NCKAP1L: variants seen among roughly 807,000 people sequenced by gnomAD.
NCKAP1L encodes the protein nck-associated protein 1-like.
In NCKAP1L, 53 loss-of-function variants were observed where a neutral mutation model predicts 139.2. The ratio of observed to expected loss-of-function variants is 0.38; its 90% CI spans 0.31 to 0.48. The LOEUF is 0.48. Among genes scored for constraint, NCKAP1L ranks in the 20% least tolerant of loss-of-function variants. NCKAP1L has a pLI of 0.98. For missense variants in NCKAP1L, 1,151 were observed against 1,381.9 expected (o/e 0.83, Z 2.65); for synonymous variants, 468 against 499.7 (o/e 0.94, Z 0.85).
chr12:54,531,500 GTGGAAAACA>G lies in NCKAP1L; in HGVS notation c.2619_2627del (p.Glu873_Met875del). The G allele has an allele frequency of 6.2e-7, 1 of 1,614,192 alleles. No individual in the cohort carries two copies. The highest frequency in any genetic ancestry group is 8.5e-7 in the Non-Finnish European group (1 of 1,180,022). On this transcript the variant is annotated inframe_deletion, in exon 24 of 31. Transcript: ENST00000293373. The stretch of plus-strand genomic sequence containing the variant: ...TGTTCCTGGACTACAGAAGCTGGTG[GTGGAAAACA>G]TGGACATACTTGTTCAGATCAGATC...
intron 9 of NCKAP1L, among the ~76,000 whole-genome samples, chr12:54,513,801 G>A (rs1362421950): frequency 6.6e-6 from 1 of 152,124 alleles, no homozygotes; most frequent in East Asian, 1.9e-4. Flanking sequence ...GACTGTAAAG[G>A]GAAGAATAGA....
chr12:54,520,951 C>T (rs745599552), intron 17 of NCKAP1L, 125 bp downstream of exon 17: 19 of 1,475,716 alleles, frequency 1.3e-5, no homozygotes, highest in African/African-American at 2.8e-5. Context: ...ATATGAGTCC[C>T]TAAATATCTC....
At position 54,547,091 on chromosome 12, in the gene NCKAP1L, G is replaced by C. The variant is rs1592357730; in HGVS notation, c.*4406G>C. 6.6e-6 allele frequency: 1 copy of C among 152,290 alleles called. No homozygotes were observed. The highest frequency in any genetic ancestry group is 1.9e-4 in the East Asian group (1 of 5,184). The allele number at this position is 152,290 out of a possible 1,614,324, so 9.4% of individuals were successfully genotyped here. A position where few individuals can be genotyped will look rare whatever the true frequency, so the allele number is the denominator to read the frequency against. ...AGGAGAGGAATGAGAAGGAGCCTGG[G>C]AAAGGTGGGGGATGAGGACAAGAGG... is the stretch of plus-strand genomic sequence containing the variant. On this transcript the variant is annotated 3_prime_UTR_variant, in exon 31 of 31. Transcript: ENST00000293373.
Position 54,534,888 on chromosome 12 carries a change from G to T in NCKAP1L, c.2863-216G>T, listed in dbSNP as rs556773968. Among the ~76,000 whole-genome samples, 7 of 152,224 alleles carry T rather than the reference G, an allele frequency of 4.6e-5. No homozygotes were observed. In the South Asian group the frequency reaches 1.5e-3, roughly 32 times the overall value. ...ACTGTGGCTCATGCCTGTAATCCCA[G>T]CACTTTGGGAGGCTGAGGTAGGAGG... On this transcript the variant is annotated intron_variant, in intron 26 of 30. Transcript: ENST00000293373.
chr12:54,535,094 T>G lies in NCKAP1L; in HGVS notation c.2863-10T>G, dbSNP rs929212046. ...GAATCCTCTCTAGAATGTTATTTTCTTCTCTCCAGGTGACCTTGAGTATCT... is the reference window on the plus strand; with the variant it reads ...GAATCCTCTCTAGAATGTTATTTTCGTCTCTCCAGGTGACCTTGAGTATCT... On this transcript the variant is annotated splice_polypyrimidine_tract_variant and intron_variant, in intron 26 of 30. Transcript: ENST00000293373. 1 of 1,611,342 alleles carries G rather than the reference T, an allele frequency of 6.2e-7. No individual in the cohort carries two copies. Among genetic ancestry groups the G allele is most frequent in the Non-Finnish European group, 8.5e-7 (1 of 1,178,166 alleles).
intron 21 of NCKAP1L, among the ~76,000 whole-genome samples, chr12:54,527,425 C>A (rs976077285): frequency 1.3e-5 from 2 of 152,130 alleles, no homozygotes; most frequent in Non-Finnish European, 2.9e-5. Context: ...ATGGATGTGC[C>A]ACATGGGCCA....
chr12:54,537,259 A>G (rs796487363), intron 29 of NCKAP1L, among the ~76,000 whole-genome samples: 8 of 152,300 alleles, frequency 5.3e-5, no homozygotes, highest in African/African-American at 1.9e-4. Flanking sequence ...CTGCTTGAAT[A>G]TTTGGAAAGA....
Position 54,528,322 on chromosome 12 carries a change from C to A in NCKAP1L, c.2451C>A (p.Ser817Arg), listed in dbSNP as rs529314666. ...ILSPAMQAFV[S>R]LPREGEQNFS... Reference sequence around the variant, plus strand: ...CCCCAGCCATGCAGGCCTTCGTCAGCCTGCCCAGAGAAGGGGAGCAGAACT... The same window carrying A: ...CCCCAGCCATGCAGGCCTTCGTCAGACTGCCCAGAGAAGGGGAGCAGAACT... Residue 817 changes from serine to arginine, a missense_variant, in exon 22 of 31, where the codon AGC (serine) becomes AGA (arginine). Transcript: ENST00000293373. 3 of 1,614,002 alleles carry A rather than the reference C, an allele frequency of 1.9e-6. No homozygotes were observed. The highest frequency in any genetic ancestry group is 1.7e-5 in the Admixed American group (1 of 60,020).
chr12:54,542,560 C>T lies in NCKAP1L; in HGVS notation c.3274-15C>T, dbSNP rs1957166336. 3.1e-6 allele frequency: 5 copies of T among 1,589,346 alleles called. No individual in the cohort carries two copies. Among genetic ancestry groups the T allele is most frequent in the Middle Eastern group, 1.7e-4 (1 of 6,042 alleles). ...CCTACCTGAGGTTCTCATCTCTTGG[C>T]CCCATCTCTTTCAGGTGGTGGAGGA... On this transcript the variant is annotated splice_polypyrimidine_tract_variant and intron_variant, in intron 30 of 30. Coordinates refer to ENST00000293373, the MANE Select transcript of NCKAP1L (RefSeq NM_005337.5).
At position 54,537,012 on chromosome 12, in the gene NCKAP1L, T is replaced by C; in HGVS notation, c.3142T>C (p.Tyr1048His). ...GGTGTCTGCTGCCCTCTTCACGCTCTACAACAAGAACATTGAAACTCACCT... is the reference window on the plus strand; with the variant it reads ...GGTGTCTGCTGCCCTCTTCACGCTCCACAACAAGAACATTGAAACTCACCT... The part of the protein sequence containing the change: ...IQVSAALFTL[Y>H]NKNIETHLKE... The change falls in exon 29 of 31, where the codon TAC becomes CAC. Residue 1048 changes from tyrosine (Y) to histidine (H), a missense_variant. Physicochemically the swap from Tyr to His is moderately conservative, Grantham distance 83. Coordinates refer to ENST00000293373, the MANE Select transcript of NCKAP1L (RefSeq NM_005337.5). 1 of 1,613,652 alleles carries C rather than the reference T, an allele frequency of 6.2e-7. No homozygotes were observed. Among genetic ancestry groups the C allele is most frequent in the Non-Finnish European group, 8.5e-7 (1 of 1,179,656 alleles).
At chr12:54,502,789 C>T (rs1271251817) in intron 3 of NCKAP1L, among the ~76,000 whole-genome samples, 1 of 133,326 alleles carries the variant, frequency 7.5e-6, no homozygotes, top group African/African-American at 2.9e-5. Context: ...GAGTTTGAGA[C>T]CAGCCTGGGC....
chr12:54,520,940 G>T lies in NCKAP1L; in HGVS notation c.1758+114G>T, dbSNP rs138086773. On this transcript the variant is annotated intron_variant, in intron 17 of 30. Transcript: ENST00000293373. Reference sequence around the variant, plus strand: ...AGAAAGGGTATAAACATAGATGTATGATATGAGTCCCTAAATATCTCAGCT... The same window carrying T: ...AGAAAGGGTATAAACATAGATGTATTATATGAGTCCCTAAATATCTCAGCT... 1.4e-3 allele frequency: 2,077 copies of T among 1,488,486 alleles called. 3 individuals are homozygous for T. The highest frequency in any genetic ancestry group is 9.2e-3 in the Middle Eastern group (53 of 5,776). The allele number at this position is 1,488,486 out of a possible 1,614,324, so 92.2% of individuals were successfully genotyped here.
intron 30 of NCKAP1L, among the ~76,000 whole-genome samples, chr12:54,540,668 G>T (rs1171918644): frequency 6.6e-6 from 1 of 152,242 alleles, no homozygotes; most frequent in Non-Finnish European, 1.5e-5. Context: ...GCTCATTTTA[G>T]GTTCTGGATT....
chr12:54,498,793 C>A, intron 1 of NCKAP1L: 15 of 985,176 alleles, frequency 1.5e-5, no homozygotes, highest in Non-Finnish European at 1.8e-5. Context: ...TGTGCTGGGG[C>A]CAAGCAGGCA....
At chr12:54,523,766 C>A (rs1304930615) in intron 19 of NCKAP1L, 59 bp from the exon 20 acceptor site, 17 of 1,573,796 alleles carry the variant, frequency 1.1e-5, no homozygotes, top group Non-Finnish European at 1.4e-5. Context: ...CCAACACGTC[C>A]TTCCTAGACA....
At chr12:54,512,479 T>C (rs1396590922) in intron 9 of NCKAP1L, 3 of 167,234 alleles carry the variant, frequency 1.8e-5, no homozygotes, top group African/African-American at 7.1e-5. Flanking sequence ...CATAGGGTTG[T>C]TGTGAAGAAT....
chr12:54,541,376 T>C (rs548044716), intron 30 of NCKAP1L, among the ~76,000 whole-genome samples: 3 of 152,354 alleles, frequency 2.0e-5, no homozygotes, highest in African/African-American at 4.8e-5. Flanking sequence ...TTGTGCTTTA[T>C]GGAGAATAGA....
chr12:54,506,793 AAAAATATATAT>A (rs890799510), intron 3 of NCKAP1L, among the ~76,000 whole-genome samples: 2 of 80,598 alleles, frequency 2.5e-5, no homozygotes, highest in Non-Finnish European at 4.8e-5. Flanking sequence ...ATTAAAAAAA[AAAAATATATAT>A]ATATATATAT....
intron 16 of NCKAP1L, 78 bp downstream of exon 16, chr12:54,519,410 C>A: frequency 2.4e-4 from 219 of 908,584 alleles, no homozygotes; most frequent in Non-Finnish European, 2.9e-4. Flanking sequence ...ATGCCACTTA[C>A]TTCAAAGAAT....
Sources: allele counts gnomAD v4.1 joint callset (sites outside exome capture counted in the v4.1 genomes callset), GRCh38; gene constraint gnomAD v4.1.1; transcripts MANE v1.5; gene names NCBI Gene and HGNC (gene_info 2026-07-23, HGNC 2026-07-21).